Variants in DHX32 observed in about 807,000 individuals in gnomAD.
DHX32 encodes putative pre-mRNA-splicing factor ATP-dependent RNA helicase DHX32.
DHX32 carries 51 observed loss-of-function variants against 70.0 expected under a neutral mutation model. That is an observed-to-expected ratio of 0.73 (90% CI 0.58 to 0.92). The LOEUF is 0.92. Among genes scored for constraint, DHX32 ranks in the 40% least tolerant of loss-of-function variants. The pLI, the probability that DHX32 is intolerant of heterozygous loss-of-function variation, is 0.00. For synonymous variants in DHX32, 310 were observed against 315.3 expected (o/e 0.98, Z 0.18); for missense variants, 762 against 891.8 (o/e 0.85, Z 1.85).
At chr10:125,869,898 G>GTTT (rs1944246330) in intron 1 of DHX32, among the ~76,000 whole-genome samples, 2 of 152,108 alleles carry the variant, frequency 1.3e-5, no homozygotes, top group African/African-American at 4.8e-5. Flanking sequence ...AGAGAGAAAG[G>GTTT]CTTGGGCTTA....
rs199732859 is a variant in DHX32 at position 125,867,136 on chromosome 10, G to A, written c.330C>T (p.His110=). 20 of 1,614,130 alleles carry A rather than the reference G, an allele frequency of 1.2e-5. No homozygotes were observed. The highest frequency in any genetic ancestry group is 8.8e-5 in the South Asian group (8 of 91,066). Residue 110 remains histidine (H), a synonymous_variant, in exon 2 of 11, where the codon CAC becomes CAT. Coordinates refer to ENST00000284690, the MANE Select transcript of DHX32 (RefSeq NM_018180.3). ...GGACCTGTGTGCATATCACGCCCCC[G>A]TGCTGGTAGTGGATGGAAAGACAAT... The part of the protein sequence containing the change: ...AEYCLSIHYQ[H]GGVICTQVHK...
upstream of DHX32, among the ~76,000 whole-genome samples, chr10:125,883,718 C>A (rs1944330197): frequency 6.6e-6 from 1 of 152,190 alleles, no homozygotes; most frequent in Non-Finnish European, 1.5e-5. Context: ...AACAGATAAC[C>A]AGACTTCTGC....
chr10:125,858,005 T>C (rs2134051671), intron 3 of DHX32, among the ~76,000 whole-genome samples: 1 of 150,548 alleles, frequency 6.6e-6, no homozygotes, highest in Middle Eastern at 3.4e-3. Flanking sequence ...GTTCAAGCAA[T>C]CCTCCCACCT....
chr10:125,840,793 T>C (rs889234604), intron 8 of DHX32, 54 bp downstream of exon 8: 3 of 1,513,890 alleles, frequency 2.0e-6, no homozygotes, highest in African/African-American at 2.8e-5. Flanking sequence ...GGACTCAGAC[T>C]TATCTAGGGA....
At chr10:125,838,415 G>T (rs927518933) in intron 9 of DHX32, 28 bp from the exon 10 acceptor site, 6 of 1,532,930 alleles carry the variant, frequency 3.9e-6, no homozygotes, top group African/African-American at 2.8e-5. Context: ...AAAGAAAAAA[G>T]ATTTTGTATT....
intron 7 of DHX32, chr10:125,841,292 C>G (rs1249420495): frequency 1.9e-6 from 3 of 1,613,938 alleles, no homozygotes; most frequent in Admixed American, 1.7e-5. Flanking sequence ...GGTCCAGACA[C>G]AAGAAGAGGA....
At chr10:125,884,812 C>T (rs1424741483), upstream of DHX32, among the ~76,000 whole-genome samples, 1 of 151,914 alleles carries the variant, frequency 6.6e-6, no homozygotes, top group African/African-American at 2.4e-5. Flanking sequence ...GTATTCAAGC[C>T]AATATTACTG....
Position 125,859,748 on chromosome 10 carries a change from A to G in DHX32, c.704T>C (p.Ile235Thr), listed in dbSNP as rs748210084. 2.9e-5 allele frequency: 46 copies of G among 1,614,020 alleles called. No individual in the cohort carries two copies. Among genetic ancestry groups the G allele is most frequent in the South Asian group, 5.5e-5 (5 of 91,080 alleles). ...LNSYYGNVPVIEVKNKHPVEV... is the reference protein window; with the variant it reads ...LNSYYGNVPVTEVKNKHPVEV... ...CACAGGGTGTTTATTTTTCACTTCT[A>G]TGACAGGCACGTTTCCATAATAAGA... Residue 235 changes from isoleucine (I) to threonine (T), a missense_variant, in exon 3 of 11, where the codon ATA (isoleucine) becomes ACA (threonine). Transcript: ENST00000284690.
At chr10:125,842,971 G>A (rs1454108641) in intron 6 of DHX32, among the ~76,000 whole-genome samples, 1 of 151,626 alleles carries the variant, frequency 6.6e-6, no homozygotes, top group Non-Finnish European at 1.5e-5. Context: ...AAGTAATTGC[G>A]GTTTTTGCCA....
chr10:125,881,357 GA>G (rs1944316228), upstream of DHX32: 1 of 152,672 alleles, frequency 6.5e-6, no homozygotes, highest in Non-Finnish European at 1.5e-5. Flanking sequence ...ACTGTGAATG[GA>G]AAGCAACAGG....
chr10:125,838,340 A>T lies in DHX32; in HGVS notation c.1929T>A (p.His643Gln). Residue 643 changes from histidine (H) to glutamine (Q), a missense_variant, in exon 10 of 11, where the codon CAT (histidine) becomes CAA (glutamine). Physicochemically the swap from His to Gln is conservative, Grantham distance 24. Coordinates refer to ENST00000284690, the MANE Select transcript of DHX32 (RefSeq NM_018180.3). ...GGGGATGCAGCTGAGCAACCTGCTT[A>T]TGTGTCAGCATTAAGTAGTTACCTG... ...DGSGNYLMLT[H>Q]KQVAQLHPLS... The T allele has an allele frequency of 6.2e-7, 1 of 1,612,310 alleles. No homozygotes were observed. The highest frequency in any genetic ancestry group is 2.2e-5 in the East Asian group (1 of 44,876).
In DHX32 at chr10:125,892,074, T is replaced by G. The variant is rs1243373803; in HGVS notation, c.-248+4144A>C. On this transcript the variant is annotated intron_variant, in intron 1 of 2. Transcript: ENST00000415732. ...AACGTATATGACAGGCATCTCAAAC[T>G]GAACACATCTACCCCACTTCTTAAA... 2.0e-5 allele frequency among the ~76,000 whole-genome samples: 3 copies of G among 152,212 alleles called. No homozygotes were observed. The East Asian group carries it at 5.8e-4, about 29-fold the overall frequency.
chr10:125,878,473 T>G (rs1009905270), intron 1 of DHX32, among the ~76,000 whole-genome samples: 3 of 152,224 alleles, frequency 2.0e-5, no homozygotes, highest in Non-Finnish European at 4.4e-5. Context: ...ATGATGGTAT[T>G]TAAGCCCAAA....
chr10:125,887,533 T>C (rs933351992), intron 1 of DHX32, among the ~76,000 whole-genome samples: 19 of 152,234 alleles, frequency 1.2e-4, no homozygotes, highest in Non-Finnish European at 1.8e-4. Flanking sequence ...CCTAGTCATT[T>C]CTTGATCCAA....
At chr10:125,891,555 G>A (rs80198420) in intron 1 of DHX32, among the ~76,000 whole-genome samples, 1 of 152,146 alleles carries the variant, frequency 6.6e-6, no homozygotes, top group African/African-American at 2.4e-5. Flanking sequence ...AACATAGCAA[G>A]ACTCTATATC....
chr10:125,841,165 C>T (rs1420475736), intron 7 of DHX32, 169 bp from the exon 8 acceptor site: 90 of 1,377,624 alleles, frequency 6.5e-5, no homozygotes, highest in Non-Finnish European at 5.0e-6. Flanking sequence ...TAGAGTGAGT[C>T]ATCCTAATTC....
chr10:125,847,317 T>G (rs1944034687), intron 6 of DHX32, among the ~76,000 whole-genome samples: 1 of 152,232 alleles, frequency 6.6e-6, no homozygotes. Context: ...CTCAGTTCCC[T>G]TATCATAATT....
chr10:125,872,147 C>A (rs1361302819), intron 1 of DHX32, among the ~76,000 whole-genome samples: 1 of 152,166 alleles, frequency 6.6e-6, no homozygotes, highest in African/African-American at 2.4e-5. Context: ...CAGGTGTGAG[C>A]CACAACACCT....
chr10:125,870,734 G>T (rs940657583), intron 1 of DHX32, among the ~76,000 whole-genome samples: 2 of 152,140 alleles, frequency 1.3e-5, no homozygotes, highest in African/African-American at 4.8e-5. Context: ...CTACTCGGGA[G>T]GCTGAGGCAG....
Sources: allele counts gnomAD v4.1 joint callset (sites outside exome capture counted in the v4.1 genomes callset), GRCh38; gene constraint gnomAD v4.1.1; transcripts MANE v1.5; gene names NCBI Gene and HGNC (gene_info 2026-07-23, HGNC 2026-07-21).